Variants in LSAMP observed in about 807,000 individuals in gnomAD.
LSAMP encodes the protein limbic system associated membrane protein.
LSAMP carries 7 observed loss-of-function variants against 38.6 expected under a neutral mutation model. The ratio of observed to expected loss-of-function variants is 0.18; its 90% CI spans 0.10 to 0.34. The LOEUF is 0.34. Among genes scored for constraint, LSAMP ranks in the 10% least tolerant of loss-of-function variants. The pLI, the probability that LSAMP is intolerant of heterozygous loss-of-function variation, is 1.00. For missense variants in LSAMP, 313 were observed against 420.0 expected (o/e 0.75, Z 2.23); for synonymous variants, 154 against 166.8 (o/e 0.92, Z 0.59).
chr3:115,941,012 A>C (rs1937901358), intron 3 of LSAMP, among the ~76,000 whole-genome samples: 1 of 152,186 alleles, frequency 6.6e-6, no homozygotes, highest in South Asian at 2.1e-4. Flanking sequence ...GAATGAGAGA[A>C]AATATTTGTA....
intron 3 of LSAMP, among the ~76,000 whole-genome samples, chr3:115,957,331 G>T (rs1576255416): frequency 6.6e-6 from 1 of 152,294 alleles, no homozygotes; most frequent in East Asian, 1.9e-4. Flanking sequence ...AACAGAGCCT[G>T]TTTGTTTCGG....
intron 2 of LSAMP, among the ~76,000 whole-genome samples, chr3:116,079,143 T>TATCA (rs1211932415): frequency 6.6e-6 from 1 of 152,238 alleles, no homozygotes; most frequent in African/African-American, 2.4e-5. Context: ...AGAAACTTTT[T>TATCA]ATCATTATCC....
chr3:116,350,341 C>T (rs1428624238), intron 1 of LSAMP, among the ~76,000 whole-genome samples: 1 of 152,028 alleles, frequency 6.6e-6, no homozygotes, highest in African/African-American at 2.4e-5. Context: ...CTATGTACCC[C>T]ATATGACTGT....
intron 5 of LSAMP, 111 bp from the exon 6 acceptor site, chr3:115,842,104 AGTTT>A: frequency 8.7e-7 from 1 of 1,147,406 alleles, no homozygotes; most frequent in Non-Finnish European, 1.2e-6. Flanking sequence ...AAGTAGCTAG[AGTTT>A]GTTGTTCCAT....
intron 1 of LSAMP, among the ~76,000 whole-genome samples, chr3:116,405,637 A>G (rs2048888919): frequency 6.6e-6 from 1 of 152,174 alleles, no homozygotes; most frequent in African/African-American, 2.4e-5. Flanking sequence ...TAAGTTATAA[A>G]ATAAGAAAAA....
At chr3:115,847,710 T>G (rs1469237119) in intron 4 of LSAMP, among the ~76,000 whole-genome samples, 1 of 152,226 alleles carries the variant, frequency 6.6e-6, no homozygotes, top group East Asian at 1.9e-4. Context: ...TGCCGCCTTG[T>G]GAAGAATGTG....
intron 2 of LSAMP, among the ~76,000 whole-genome samples, chr3:116,057,967 A>ACC (rs1553699986): frequency 1.8e-3 from 264 of 147,634 alleles, no homozygotes; most frequent in African/African-American, 5.6e-3. Context: ...CCACACACAC[A>ACC]CACACACACA....
intron 1 of LSAMP, among the ~76,000 whole-genome samples, chr3:116,129,606 G>A (rs781416029): frequency 6.6e-6 from 1 of 152,182 alleles, no homozygotes. Context: ...TTCTCTAAAG[G>A]AAATGAACAC....
intron 1 of LSAMP, 112 bp from the exon 2 acceptor site, chr3:116,086,668 T>A (rs1180385928): frequency 1.3e-5 from 10 of 780,658 alleles, no homozygotes; most frequent in Non-Finnish European, 2.1e-5. Flanking sequence ...ATATGCAGAA[T>A]GAATTATTGC....
intron 3 of LSAMP, among the ~76,000 whole-genome samples, chr3:115,879,457 A>C (rs1350398702): frequency 6.6e-6 from 1 of 152,180 alleles, no homozygotes; most frequent in Non-Finnish European, 1.5e-5. Context: ...TGGGTTTTAT[A>C]AATTTATATA....
chr3:116,441,293 T>C (rs986896882), intron 1 of LSAMP, among the ~76,000 whole-genome samples: 44 of 152,204 alleles, frequency 2.9e-4, no homozygotes, highest in African/African-American at 1.0e-3. Flanking sequence ...ATATTTAAAA[T>C]CACAAGTGTG....
intron 1 of LSAMP, among the ~76,000 whole-genome samples, chr3:116,111,856 C>T (rs1365435499): frequency 1.3e-5 from 2 of 152,150 alleles, no homozygotes; most frequent in Non-Finnish European, 2.9e-5. Flanking sequence ...AAGATGGTCC[C>T]TGTAATAGAT....
At chr3:116,267,294 CT>C (rs2046905032) in intron 1 of LSAMP, among the ~76,000 whole-genome samples, 1 of 152,130 alleles carries the variant, frequency 6.6e-6, no homozygotes, top group East Asian at 1.9e-4. Context: ...AAAAAAGAAG[CT>C]GATGACATGC....
chr3:116,198,160 C>A (rs1489417268), intron 1 of LSAMP, among the ~76,000 whole-genome samples: 1 of 152,184 alleles, frequency 6.6e-6, no homozygotes. Context: ...CTTTTGTGAG[C>A]ATTTCTGTAG....
At chr3:116,209,135 A>C (rs1187125054) in intron 1 of LSAMP, among the ~76,000 whole-genome samples, 1 of 152,156 alleles carries the variant, frequency 6.6e-6, no homozygotes, top group Non-Finnish European at 1.5e-5. Flanking sequence ...CGAAAAGCGC[A>C]GTATTCGGGT....
intron 1 of LSAMP, among the ~76,000 whole-genome samples, chr3:116,394,504 C>T (rs1408368632): frequency 2.0e-5 from 3 of 152,106 alleles, no homozygotes; most frequent in African/African-American, 7.2e-5. Context: ...ACCTTCCTCC[C>T]ACCTCCACAC....
intron 1 of LSAMP, among the ~76,000 whole-genome samples, chr3:116,253,868 T>C (rs2046717768): frequency 6.6e-6 from 1 of 152,206 alleles, no homozygotes; most frequent in Non-Finnish European, 1.5e-5. Flanking sequence ...CCATGCAAGC[T>C]CATTCTCATT....
At chr3:115,816,500 T>C (rs1010542317) in intron 6 of LSAMP, 2 of 588,130 alleles carry the variant, frequency 3.4e-6, no homozygotes, top group East Asian at 6.7e-5. Context: ...AGATGTGTTA[T>C]GGAAATTGTT....
chr3:116,268,060 G>T (rs965780364), intron 1 of LSAMP, among the ~76,000 whole-genome samples: 1 of 152,024 alleles, frequency 6.6e-6, no homozygotes, highest in South Asian at 2.1e-4. Context: ...TCTCTTCTGG[G>T]CTATTTTACA....
Sources: gnomAD v4.1 joint callset for allele counts (sites outside exome capture counted in the v4.1 genomes callset) on GRCh38, gnomAD v4.1.1 for gene constraint, MANE v1.5 for transcripts, NCBI Gene and HGNC (gene_info 2026-07-23, HGNC 2026-07-21) for gene names.